SLC14A2: variants seen among roughly 807,000 people sequenced by gnomAD.
SLC14A2 encodes solute carrier family 14 member 2, also known as urea transporter 2.
SLC14A2 carries 91 observed loss-of-function variants against 104.6 expected under a neutral mutation model. The observed-to-expected ratio is 0.87, with a 90% CI of 0.73 to 1.04. The LOEUF is 1.04. Ranked by LOEUF, SLC14A2 falls within the 50% of genes least tolerant of loss-of-function variation. The pLI is 0.00. For synonymous variants in SLC14A2, 476 were observed against 466.4 expected, an observed-to-expected ratio of 1.02 and a Z score of -0.27; for missense variants, 1,189 against 1,156.0, an observed-to-expected ratio of 1.03 and a Z score of -0.41.
At chr18:45,602,328 T>C (rs941450697) in intron 2 of SLC14A2, among the ~76,000 whole-genome samples, 3 of 152,228 alleles carry the variant, frequency 2.0e-5, no homozygotes, top group African/African-American at 7.2e-5. Context: ...TTATGGAGAT[T>C]GGATATCTGC....
the SLC14A2 span, among the ~76,000 whole-genome samples, chr18:45,198,660 G>C: frequency 6.6e-6 from 1 of 151,956 alleles, no homozygotes; most frequent in Non-Finnish European, 1.5e-5. Flanking sequence ...CTCTTACACA[G>C]CTTTGTAAGT....
At chr18:45,603,085 G>A (rs913790652) in intron 2 of SLC14A2, among the ~76,000 whole-genome samples, 1 of 152,040 alleles carries the variant, frequency 6.6e-6, no homozygotes, top group African/African-American at 2.4e-5. Context: ...TGTTGGGATA[G>A]AGTGGTATTG....
chr18:45,291,946 C>T (rs940640416), intron 1 of SLC14A2, among the ~76,000 whole-genome samples: 1 of 152,134 alleles, frequency 6.6e-6, no homozygotes, highest in Non-Finnish European at 1.5e-5. Flanking sequence ...CCCATCTTGG[C>T]ATGTGTGGTG....
At chr18:45,438,761 G>A (rs767595271) in intron 1 of SLC14A2, among the ~76,000 whole-genome samples, 1 of 152,148 alleles carries the variant, frequency 6.6e-6, no homozygotes, top group Non-Finnish European at 1.5e-5. Context: ...ATAGGAAAAT[G>A]GACAGGAATA....
At chr18:45,487,203 G>C (rs1485780097) in intron 2 of SLC14A2, among the ~76,000 whole-genome samples, 1 of 152,182 alleles carries the variant, frequency 6.6e-6, no homozygotes, top group Non-Finnish European at 1.5e-5. Context: ...TCTAGAGGTT[G>C]CCTGCATTCC....
chr18:45,487,249 G>T (rs1288465055), intron 2 of SLC14A2, among the ~76,000 whole-genome samples: 1 of 152,160 alleles, frequency 6.6e-6, no homozygotes, highest in Non-Finnish European at 1.5e-5. Flanking sequence ...TTCAAAGGCA[G>T]CAACATTGCA....
chr18:45,278,177 C>A (rs1202280242), intron 1 of SLC14A2, among the ~76,000 whole-genome samples: 1 of 152,200 alleles, frequency 6.6e-6, no homozygotes, highest in Non-Finnish European at 1.5e-5. Flanking sequence ...GAATCAATGA[C>A]TTCCTCATAG....
At chr18:45,543,094 G>A (rs2043914965) in intron 2 of SLC14A2, among the ~76,000 whole-genome samples, 1 of 151,702 alleles carries the variant, frequency 6.6e-6, no homozygotes, top group Admixed American at 6.6e-5. Flanking sequence ...GATTACAGGT[G>A]CACACCACCA....
At chr18:45,224,930 A>C (rs535751245) in intron 1 of SLC14A2, among the ~76,000 whole-genome samples, 49 of 152,238 alleles carry the variant, frequency 3.2e-4, no homozygotes, top group Middle Eastern at 3.4e-3. Context: ...ATTTTCTCCC[A>C]TTCTGTAGGT....
intron 1 of SLC14A2, among the ~76,000 whole-genome samples, chr18:45,233,215 G>A (rs1039793686): frequency 1.3e-5 from 2 of 152,174 alleles, no homozygotes; most frequent in Admixed American, 6.5e-5. Flanking sequence ...ACATCTTCCT[G>A]CAACACTGAA....
intron 1 of SLC14A2, among the ~76,000 whole-genome samples, chr18:45,372,731 TC>T (rs2085736376): frequency 6.6e-6 from 1 of 152,184 alleles, no homozygotes; most frequent in African/African-American, 2.4e-5. Context: ...GTAGCCAGGA[TC>T]TAAACCATCA....
At chr18:45,611,229 A>T (rs186317285), upstream of SLC14A2, among the ~76,000 whole-genome samples, 11 of 152,226 alleles carry the variant, frequency 7.2e-5, no homozygotes, top group Admixed American at 2.6e-4. Flanking sequence ...TCCGAGCTTT[A>T]CCTGAATAAG....
At chr18:45,517,933 T>C (rs1343306674) in intron 2 of SLC14A2, among the ~76,000 whole-genome samples, 1 of 152,212 alleles carries the variant, frequency 6.6e-6, no homozygotes, top group Non-Finnish European at 1.5e-5. Flanking sequence ...AAGGTGCTTA[T>C]TGTAACTGCT....
intron 1 of SLC14A2, among the ~76,000 whole-genome samples, chr18:45,419,038 G>T (rs530069620): frequency 2.0e-5 from 3 of 152,168 alleles, no homozygotes; most frequent in Non-Finnish European, 2.9e-5. Flanking sequence ...CTCTTCATTT[G>T]ATTTCTCAAG....
At position 45,624,663 on chromosome 18, in the gene SLC14A2, G is replaced by A; in HGVS notation, c.-2G>A. 6.2e-7 allele frequency: 1 copy of A among 1,609,060 alleles called. No homozygotes were observed. Among genetic ancestry groups the A allele is most frequent in the Non-Finnish European group, 8.5e-7 (1 of 1,177,488 alleles). Reference sequence around the variant, plus strand: ...ATAGAAGAGTGGCTGTGACCCGAAGGAATGTCTGACCCCCACAGCAGTCCT... The same window carrying A: ...ATAGAAGAGTGGCTGTGACCCGAAGAAATGTCTGACCCCCACAGCAGTCCT... On this transcript the variant is annotated 5_prime_UTR_variant, in exon 2 of 20. Transcript: ENST00000255226.
intron 2 of SLC14A2, chr18:45,529,370 A>G (rs1157263323): frequency 6.6e-6 from 1 of 152,162 alleles, no homozygotes; most frequent in East Asian, 1.9e-4. Flanking sequence ...TATATGAAAA[A>G]TCATGTGGAC....
At chr18:45,676,341 C>G (rs999199488) in intron 18 of SLC14A2, among the ~76,000 whole-genome samples, 5 of 152,152 alleles carry the variant, frequency 3.3e-5, no homozygotes, top group Non-Finnish European at 1.5e-5. Context: ...GACCGTGGAG[C>G]TATAACTTCT....
chr18:45,610,268 A>T (rs1312259903), intron 2 of SLC14A2, among the ~76,000 whole-genome samples: 1 of 152,166 alleles, frequency 6.6e-6, no homozygotes, highest in Non-Finnish European at 1.5e-5. Context: ...GGTGAAGCTG[A>T]TGCTGAACCC....
At chr18:45,665,739 T>C (rs4632220) in intron 11 of SLC14A2, among the ~76,000 whole-genome samples, 128,439 of 136,188 alleles carry the variant, frequency 0.94, 60,880 homozygotes, top group Middle Eastern at 0.99. Context: ...GTTCTCCATG[T>C]GGAACAGGAG....
Sources: gnomAD v4.1 joint callset for allele counts (sites outside exome capture counted in the v4.1 genomes callset) on GRCh38, gnomAD v4.1.1 for gene constraint, MANE v1.5 for transcripts, NCBI Gene and HGNC (gene_info 2026-07-23, HGNC 2026-07-21) for gene names.